GABBR2: variants seen among roughly 807,000 people sequenced by gnomAD.
The protein encoded by GABBR2 is gamma-aminobutyric acid type B receptor subunit 2, also known as G-protein coupled receptor 51.
In GABBR2, 23 loss-of-function variants were observed where a neutral mutation model predicts 105.6. The ratio of observed to expected loss-of-function variants is 0.22; its 90% confidence interval spans 0.16 to 0.31. The LOEUF (loss-of-function observed/expected upper bound fraction) is 0.31. GABBR2 is among the 10% of genes least tolerant of loss of function. GABBR2 has a pLI of 1.00. For synonymous variants in GABBR2, 478 were observed against 499.7 expected (o/e 0.96, Z 0.58); for missense variants, 734 against 1,245.5 (o/e 0.59, Z 6.18).
At chr9:98,633,816 A>T (rs1190567319) in intron 1 of GABBR2, among the ~76,000 whole-genome samples, 1 of 152,102 alleles carries the variant, frequency 6.6e-6, no homozygotes, top group East Asian at 1.9e-4. Flanking sequence ...AGAGTCCCCA[A>T]GTTAAAGGCA....
chr9:98,328,736 T>A (rs1222475359), intron 13 of GABBR2, among the ~76,000 whole-genome samples: 1 of 152,144 alleles, frequency 6.6e-6, no homozygotes, highest in Non-Finnish European at 1.5e-5. Flanking sequence ...ACTGCAGACA[T>A]ACCAATGAGG....
At chr9:98,413,448 ATTC>A (rs922355280) in intron 7 of GABBR2, among the ~76,000 whole-genome samples, 7 of 149,712 alleles carry the variant, frequency 4.7e-5, no homozygotes, top group Non-Finnish European at 1.0e-4. Context: ...TTTAAAAAAT[ATTC>A]TTTTTTTTTT....
chr9:98,547,644 G>C (rs1394366923), intron 2 of GABBR2, among the ~76,000 whole-genome samples: 1 of 121,434 alleles, frequency 8.2e-6, no homozygotes, highest in African/African-American at 2.6e-5. Context: ...TAAAATGGCT[G>C]TACCCACAGC....
chr9:98,588,729 A>G (rs1412310059), intron 1 of GABBR2, among the ~76,000 whole-genome samples: 1 of 152,108 alleles, frequency 6.6e-6, no homozygotes, highest in African/African-American at 2.4e-5. Flanking sequence ...GTAAGACTAC[A>G]TTTCCCAGCC....
intron 1 of GABBR2, among the ~76,000 whole-genome samples, chr9:98,578,458 A>G (rs1178686815): frequency 3.9e-5 from 6 of 152,038 alleles, no homozygotes; most frequent in Non-Finnish European, 5.9e-5. Context: ...CACAGAAAAC[A>G]ACAAGTATTG....
At chr9:98,632,061 T>A (rs1829821736) in intron 1 of GABBR2, among the ~76,000 whole-genome samples, 1 of 152,190 alleles carries the variant, frequency 6.6e-6, no homozygotes, top group Non-Finnish European at 1.5e-5. Context: ...CAGCCCCAAT[T>A]GTCTAGACAC....
intron 2 of GABBR2, among the ~76,000 whole-genome samples, chr9:98,571,523 A>G (rs1412191881): frequency 6.6e-6 from 1 of 152,144 alleles, no homozygotes; most frequent in Non-Finnish European, 1.5e-5. Flanking sequence ...TGGTACTGAA[A>G]TGGCTGTGGT....
At chr9:98,421,728 C>T (rs1832785467) in intron 7 of GABBR2, among the ~76,000 whole-genome samples, 1 of 152,028 alleles carries the variant, frequency 6.6e-6, no homozygotes, top group Admixed American at 6.6e-5. Flanking sequence ...AAACATGGCA[C>T]CATAAATCAA....
intron 1 of GABBR2, among the ~76,000 whole-genome samples, chr9:98,612,614 C>T (rs544347114): frequency 6.6e-6 from 1 of 152,254 alleles, no homozygotes; most frequent in African/African-American, 2.4e-5. Context: ...ATTAAATTCA[C>T]ATTTTGAGGT....
chr9:98,419,900 C>T (rs892852188), intron 7 of GABBR2, among the ~76,000 whole-genome samples: 5 of 152,058 alleles, frequency 3.3e-5, no homozygotes, highest in South Asian at 2.1e-4. Context: ...CAGGAGAGCG[C>T]GAGTCCTCCA....
intron 4 of GABBR2, among the ~76,000 whole-genome samples, chr9:98,488,259 T>A (rs1827100906): frequency 1.3e-5 from 2 of 152,184 alleles, no homozygotes; most frequent in Non-Finnish European, 2.9e-5. Flanking sequence ...ATGAAGACAC[T>A]TCCCTCTCTG....
At chr9:98,374,779 G>T (rs1195289377) in intron 11 of GABBR2, among the ~76,000 whole-genome samples, 6 of 152,138 alleles carry the variant, frequency 3.9e-5, no homozygotes, top group African/African-American at 1.2e-4. Context: ...CCTGGACTTT[G>T]CCTCCCCACG....
At chr9:98,405,530 G>A (rs1832475227) in intron 8 of GABBR2, among the ~76,000 whole-genome samples, 1 of 152,148 alleles carries the variant, frequency 6.6e-6, no homozygotes, top group African/African-American at 2.4e-5. Context: ...GAGTCATGCG[G>A]GAAGGCAGAA....
intron 2 of GABBR2, among the ~76,000 whole-genome samples, chr9:98,570,095 T>C (rs1828806803): frequency 1.3e-5 from 2 of 152,214 alleles, no homozygotes; most frequent in Admixed American, 6.5e-5. Flanking sequence ...CCAATACCTC[T>C]ACACACATAG....
intron 13 of GABBR2, among the ~76,000 whole-genome samples, chr9:98,342,116 C>A (rs1314397439): frequency 6.6e-6 from 1 of 152,084 alleles, no homozygotes; most frequent in East Asian, 1.9e-4. Flanking sequence ...TGAGGGTGAA[C>A]AGTGTGAGAT....
rs369338702 is a variant in GABBR2, at chr9:98,447,063, C to CTTTTTTTTTTTTTT, written c.1236+6904_1236+6917dup. On this transcript the variant is annotated intron_variant, in intron 7 of 18. Transcript: ENST00000259455. ...CCCAGATTCAACCTAAAAAAGACTTCTTTTTTTTTTTTTTTTGAGACGGAG... is the reference window on the plus strand; with the variant it reads ...CCCAGATTCAACCTAAAAAAGACTTCTTTTTTTTTTTTTTTTTTTTTTTTTTTTTTGAGACGGAG... Among the ~76,000 whole-genome samples, 159 of 116,294 alleles carry CTTTTTTTTTTTTTT rather than the reference C, an allele frequency of 1.4e-3. 8 individuals are homozygous for CTTTTTTTTTTTTTT. The highest frequency in any genetic ancestry group is 5.1e-3 in the African/African-American group (145 of 28,594). 76.3% of individuals were successfully genotyped at this position (116,294 alleles called of 152,430 possible).
intron 1 of GABBR2, among the ~76,000 whole-genome samples, chr9:98,622,183 G>C (rs1306400905): frequency 6.6e-6 from 1 of 151,628 alleles, no homozygotes; most frequent in African/African-American, 2.4e-5. Flanking sequence ...TTTGTTTTTT[G>C]AGACAGGGTC....
chr9:98,453,724 GCCTACCTTCAGCAAGTA>G (rs1826275256), intron 7 of GABBR2, among the ~76,000 whole-genome samples: 1 of 152,148 alleles, frequency 6.6e-6, no homozygotes, highest in Admixed American at 6.5e-5. Context: ...CAGAGTGAAA[GCCTACCTTCAGCAAGTA>G]CCTGGCTCTA....
At chr9:98,460,543 A>G (rs1249347727) in intron 6 of GABBR2, among the ~76,000 whole-genome samples, 1 of 152,218 alleles carries the variant, frequency 6.6e-6, no homozygotes, top group Non-Finnish European at 1.5e-5. Flanking sequence ...GTGAAACAAC[A>G]TATTAGACAC....
Sources: allele counts gnomAD v4.1 joint callset (sites outside exome capture counted in the v4.1 genomes callset), GRCh38; gene constraint gnomAD v4.1.1; transcripts MANE v1.5; gene names NCBI Gene and HGNC (gene_info 2026-07-23, HGNC 2026-07-21).